CCDC57: variants seen among roughly 807,000 people sequenced by gnomAD.
The protein encoded by CCDC57 is coiled-coil domain containing 57.
CCDC57 carries 118 observed loss-of-function variants against 118.9 expected under a neutral mutation model. That is an observed-to-expected ratio of 0.99 (90% CI 0.86 to 1.16). The LOEUF is 1.16. CCDC57 is among the 50% of genes most tolerant of loss of function. CCDC57 has a pLI of 0.00. For synonymous variants in CCDC57, 527 were observed against 532.9 expected, an observed-to-expected ratio of 0.99 and a Z score of 0.15; for missense variants, 1,300 against 1,320.7, an observed-to-expected ratio of 0.98 and a Z score of 0.24.
exon 16 of CCDC57, chr17:82,151,694 G>A: frequency 6.5e-7 from 1 of 1,550,382 alleles, no homozygotes; most frequent in South Asian, 1.2e-5. Context: ...TAAGGTCTGG[G>A]GGGCACGTGC....
At chr17:82,114,717 G>A (rs1202974177) in intron 19 of CCDC57, among the ~76,000 whole-genome samples, 1 of 152,226 alleles carries the variant, frequency 6.6e-6, no homozygotes, top group African/African-American at 2.4e-5. Context: ...CCACCCCCAG[G>A]CGTGGTCCCA....
chr17:82,122,180 G>A (rs907668745), intron 19 of CCDC57, among the ~76,000 whole-genome samples: 12 of 152,314 alleles, frequency 7.9e-5, no homozygotes, highest in African/African-American at 2.6e-4. Context: ...TTCAGAGCCT[G>A]TGGCCGGCCT....
At chr17:82,127,930 T>C (rs1287334785) in intron 18 of CCDC57, 22 bp from the exon 18 acceptor site, 5 of 1,610,228 alleles carry the variant, frequency 3.1e-6, no homozygotes, top group Non-Finnish European at 4.2e-6. Context: ...ATCATCGTCT[T>C]GAAAGCCACC....
chr17:82,168,677 C>G (rs61195314), intron 13 of CCDC57, among the ~76,000 whole-genome samples: 1 of 151,922 alleles, frequency 6.6e-6, no homozygotes, highest in Non-Finnish European at 1.5e-5. Flanking sequence ...CACGCGAATG[C>G]TAATCAAAAG....
chr17:82,131,602 A>T (rs929754879), intron 17 of CCDC57, among the ~76,000 whole-genome samples: 8 of 151,740 alleles, frequency 5.3e-5, no homozygotes, highest in Non-Finnish European at 1.2e-4. Flanking sequence ...ACAAACAAAA[A>T]TTAGCCAGGC....
At chr17:82,150,498 C>T (rs1417478909) in intron 16 of CCDC57, among the ~76,000 whole-genome samples, 1 of 142,462 alleles carries the variant, frequency 7.0e-6, no homozygotes, top group African/African-American at 2.6e-5. Flanking sequence ...GAACCTGACC[C>T]GCACCCAGAA....
chr17:82,153,025 G>T (rs527620665), intron 15 of CCDC57, among the ~76,000 whole-genome samples: 1 of 152,342 alleles, frequency 6.6e-6, no homozygotes, highest in South Asian at 2.1e-4. Context: ...GCTCGCCACA[G>T]GCCTGAGCCC....
intron 8 of CCDC57, among the ~76,000 whole-genome samples, chr17:82,184,713 A>C (rs1160077675): frequency 6.6e-6 from 1 of 152,184 alleles, no homozygotes; most frequent in Non-Finnish European, 1.5e-5. Flanking sequence ...GGCTGCCCCC[A>C]CAGAGGCCAC....
intron 16 of CCDC57, among the ~76,000 whole-genome samples, chr17:82,145,005 ATTTCT>A (rs1035307535): frequency 1.4e-5 from 2 of 144,192 alleles, no homozygotes; most frequent in Non-Finnish European, 1.5e-5. Context: ...AATCAATTTT[ATTTCT>A]TTTCTTTTTT....
At chr17:82,194,004 G>A in exon 6 of CCDC57, 2 of 1,612,026 alleles carry the variant, frequency 1.2e-6, no homozygotes, top group Non-Finnish European at 1.7e-6. Flanking sequence ...ATGGCCTCCA[G>A]GTCCTGGAGC....
chr17:82,102,648 C>T (rs193137461), intron 19 of CCDC57, among the ~76,000 whole-genome samples: 1,522 of 152,126 alleles, frequency 0.01, 23 homozygotes, highest in African/African-American at 0.035. Context: ...TTTGGGAGGC[C>T]GAGGTGGGTG....
intron 9 of CCDC57, 133 bp from the exon 9 acceptor site, chr17:82,179,322 G>C: frequency 2.1e-6 from 2 of 942,848 alleles, no homozygotes; most frequent in Non-Finnish European, 3.1e-6. Flanking sequence ...GGGCTGACAT[G>C]CTCCCGAGCT....
chr17:82,198,934 A>C (rs531351921), intron 3 of CCDC57, among the ~76,000 whole-genome samples: 24 of 148,636 alleles, frequency 1.6e-4, no homozygotes, highest in Non-Finnish European at 2.8e-4. Flanking sequence ...TGGAGCTTGC[A>C]GTGAGCTGAG....
chr17:82,112,781 A>G (rs576817853), intron 19 of CCDC57: 2 of 152,316 alleles, frequency 1.3e-5, no homozygotes, highest in African/African-American at 4.8e-5. Context: ...CCTTCCAACA[A>G]GGGTGGCGGT....
At chr17:82,169,169 T>C (rs1163296923) in intron 13 of CCDC57, among the ~76,000 whole-genome samples, 2 of 152,106 alleles carry the variant, frequency 1.3e-5, no homozygotes, top group Non-Finnish European at 2.9e-5. Flanking sequence ...CTCTGTTACC[T>C]AGGCTGGAGT....
intron 1 of CCDC57, among the ~76,000 whole-genome samples, chr17:82,209,483 T>C (rs1163373231): frequency 6.6e-6 from 1 of 152,174 alleles, no homozygotes. Flanking sequence ...CAGGTTTTTT[T>C]GGTGTTTGTT....
intron 15 of CCDC57, 31 bp downstream of exon 14, chr17:82,157,717 C>T (rs772439409): frequency 1.1e-5 from 17 of 1,550,814 alleles, no homozygotes; most frequent in East Asian, 2.4e-5. Flanking sequence ...GGAACCTCGG[C>T]GGGTGGCAGG....
intron 19 of CCDC57, among the ~76,000 whole-genome samples, chr17:82,105,569 C>A (rs1182510536): frequency 6.6e-6 from 1 of 152,130 alleles, no homozygotes; most frequent in Non-Finnish European, 1.5e-5. Context: ...CCCCAGCCTG[C>A]GTCAACCCTC....
intron 4 of CCDC57, among the ~76,000 whole-genome samples, chr17:82,196,962 A>G (rs1232544392): frequency 6.9e-6 from 1 of 144,588 alleles, no homozygotes; most frequent in African/African-American, 2.7e-5. Flanking sequence ...CTGCACCTGC[A>G]GAGACGCAGC....
Sources: allele counts gnomAD v4.1 joint callset (sites outside exome capture counted in the v4.1 genomes callset), GRCh38; gene constraint gnomAD v4.1.1; transcripts MANE v1.5; gene names NCBI Gene and HGNC (gene_info 2026-07-23, HGNC 2026-07-21).